The following RUNX2 variants were observed in gnomAD, a reference collection of about 807,000 sequenced individuals.
RUNX2 encodes the protein RUNX family transcription factor 2, also known as runt-related transcription factor 2.
Under a neutral mutation model 51.7 loss-of-function variants are expected in RUNX2, and 10 were observed. The ratio of observed to expected loss-of-function variants is 0.19; its 90% confidence interval spans 0.12 to 0.33. The LOEUF is 0.33. Among genes scored for constraint, RUNX2 ranks in the 10% least tolerant of loss-of-function variants. The probability of loss-of-function intolerance (pLI) is 1.00; values close to 1 mark genes in which losing one functional copy is unlikely to be tolerated. For synonymous variants in RUNX2, 276 were observed against 273.6 expected, an observed-to-expected ratio of 1.01 and a Z score of -0.09; for missense variants, 562 against 691.3, an observed-to-expected ratio of 0.81 and a Z score of 2.10.
chr6:45,370,082 G>C (rs1563041198), intron 2 of RUNX2, among the ~76,000 whole-genome samples: 1 of 152,124 alleles, frequency 6.6e-6, no homozygotes. Flanking sequence ...AAATGTTTTA[G>C]GTTTAAAAAG....
intron 2 of RUNX2, among the ~76,000 whole-genome samples, chr6:45,357,258 C>T (rs1439727977): frequency 2.6e-5 from 4 of 152,246 alleles, no homozygotes; most frequent in African/African-American, 9.6e-5. Flanking sequence ...CCGCCCACCT[C>T]GGCCTCCCAA....
At chr6:45,347,058 T>C (rs1444508503) in intron 2 of RUNX2, among the ~76,000 whole-genome samples, 1 of 152,130 alleles carries the variant, frequency 6.6e-6, no homozygotes, top group Non-Finnish European at 1.5e-5. Context: ...TTTATATAAT[T>C]AAAAATTGAA....
At position 45,531,751 on chromosome 6, in the gene RUNX2, A is replaced by T. The variant is rs554906299; in HGVS notation, c.1022-13466A>T. On this transcript the variant is annotated intron_variant, in intron 7 of 8. Coordinates refer to ENST00000647337, the MANE Select transcript of RUNX2 (RefSeq NM_001024630.4). ...CTGGCAACAGGGTGAGATTCTGTCT[A>T]AAAAAAAAACAAAACTCAAAATATA... Among the ~76,000 whole-genome samples, 8 of 122,098 alleles carry T rather than the reference A, an allele frequency of 6.6e-5. 1 individual carries two copies. In the South Asian group the frequency reaches 1.8e-3, roughly 27 times the overall value. The allele number at this position is 122,098 out of a possible 152,430, so 80.1% of individuals were successfully genotyped here.
intron 7 of RUNX2, among the ~76,000 whole-genome samples, chr6:45,522,754 C>A (rs1159602907): frequency 2.6e-5 from 4 of 152,186 alleles, no homozygotes; most frequent in Admixed American, 6.5e-5. Context: ...TGCATAATGT[C>A]GTGGGAAGTA....
intron 2 of RUNX2, among the ~76,000 whole-genome samples, chr6:45,339,226 T>C (rs185769408): frequency 1.5e-3 from 230 of 152,232 alleles, no homozygotes; most frequent in Middle Eastern, 3.4e-3. Context: ...AGACTTCTTA[T>C]GTTACAGTGG....
Position 45,550,407 on chromosome 6 carries a change from T to A in RUNX2, c.*3102T>A, listed in dbSNP as rs1802530972. ...GAAGTCCACACCATTAGGGACCATC[T>A]GTGATAAATTCAGAAGGGAGGAGAT... is the stretch of plus-strand genomic sequence containing the variant. On this transcript the variant is annotated 3_prime_UTR_variant, in exon 9 of 9. Coordinates refer to ENST00000647337, the MANE Select transcript of RUNX2 (RefSeq NM_001024630.4). 6.6e-6 allele frequency: 1 copy of A among 152,218 alleles called. No homozygotes were observed. Among genetic ancestry groups the A allele is most frequent in the Non-Finnish European group, 1.5e-5 (1 of 68,050 alleles). The allele number at this position is 152,218 out of a possible 1,614,324, so 9.4% of individuals were successfully genotyped here.
chr6:45,531,826 G>A (rs549810656), intron 7 of RUNX2, among the ~76,000 whole-genome samples: 15 of 152,054 alleles, frequency 9.9e-5, no homozygotes, highest in Non-Finnish European at 2.1e-4. Context: ...AATTTTGCAC[G>A]ATATATTCTA....
chr6:45,516,464 T>C (rs1801324347), intron 7 of RUNX2, among the ~76,000 whole-genome samples: 1 of 152,266 alleles, frequency 6.6e-6, no homozygotes, highest in Admixed American at 6.5e-5. Context: ...AGTCTAGTGA[T>C]GTTACAGTGC....
At chr6:45,341,818 A>T (rs1280740784) in intron 2 of RUNX2, among the ~76,000 whole-genome samples, 1 of 152,190 alleles carries the variant, frequency 6.6e-6, no homozygotes, top group East Asian at 1.9e-4. Flanking sequence ...AAAATGACAC[A>T]CTAAGATAAT....
At chr6:45,340,881 A>G (rs980415964) in intron 2 of RUNX2, among the ~76,000 whole-genome samples, 2 of 152,064 alleles carry the variant, frequency 1.3e-5, no homozygotes, top group South Asian at 2.1e-4. Context: ...CCTACTTCCT[A>G]TATTTATCTG....
At chr6:45,398,253 G>A (rs1464764429) in intron 2 of RUNX2, among the ~76,000 whole-genome samples, 5 of 152,112 alleles carry the variant, frequency 3.3e-5, no homozygotes, top group African/African-American at 9.7e-5. Flanking sequence ...TGTAGTGGGA[G>A]GTAGATGAGA....
At chr6:45,529,693 A>T (rs1330791993) in intron 7 of RUNX2, among the ~76,000 whole-genome samples, 1 of 152,192 alleles carries the variant, frequency 6.6e-6, no homozygotes, top group African/African-American at 2.4e-5. Context: ...TTTTCTCACT[A>T]GAGTCAGAAG....
chr6:45,439,536 T>C (rs937168120), intron 5 of RUNX2, among the ~76,000 whole-genome samples: 2 of 152,350 alleles, frequency 1.3e-5, no homozygotes, highest in South Asian at 4.1e-4. Context: ...ACGTCCATTT[T>C]AGTAATGCAC....
In RUNX2 at chr6:45,518,433, T is replaced by C. The variant is rs139783940; in HGVS notation, c.1021+6026T>C. ...GACATAGCAGATGGTGTTCTAATCT[T>C]ACCTGGACCTCCGTTTACTCTAATT... is the stretch of plus-strand genomic sequence containing the variant. On this transcript the variant is annotated intron_variant, in intron 7 of 8. Coordinates refer to ENST00000647337, the MANE Select transcript of RUNX2 (RefSeq NM_001024630.4). Among the ~76,000 whole-genome samples, 33 of 152,334 alleles carry C rather than the reference T, an allele frequency of 2.2e-4. No homozygotes were observed. The East Asian group carries it at 4.1e-3, about 19-fold the overall frequency.
chr6:45,499,537 C>T (rs1474518558), intron 6 of RUNX2, among the ~76,000 whole-genome samples: 1 of 152,272 alleles, frequency 6.6e-6, no homozygotes, highest in East Asian at 1.9e-4. Context: ...TTAGCAGTAT[C>T]CACAGATGAG....
At chr6:45,369,606 TC>T (rs1222240399) in intron 2 of RUNX2, among the ~76,000 whole-genome samples, 1 of 151,942 alleles carries the variant, frequency 6.6e-6, no homozygotes, top group Non-Finnish European at 1.5e-5. Flanking sequence ...CTTAATTCCC[TC>T]CTCTTATAAT....
intron 5 of RUNX2, among the ~76,000 whole-genome samples, chr6:45,465,762 A>G (rs948926617): frequency 1.3e-5 from 2 of 150,060 alleles, no homozygotes; most frequent in African/African-American, 4.9e-5. Flanking sequence ...CAGCCTCTTG[A>G]GTAGCTGGGA....
At chr6:45,404,315 A>T (rs1486898165) in intron 2 of RUNX2, among the ~76,000 whole-genome samples, 1 of 129,082 alleles carries the variant, frequency 7.7e-6, no homozygotes, top group Non-Finnish European at 1.7e-5. Flanking sequence ...AAAAGAAAAA[A>T]GAAAAAAAAG....
intron 2 of RUNX2, among the ~76,000 whole-genome samples, chr6:45,344,162 C>T (rs563787731): frequency 1.3e-5 from 2 of 152,220 alleles, no homozygotes; most frequent in East Asian, 3.9e-4. Flanking sequence ...GAAAGAACAT[C>T]CACTAAATAC....
Sources: gnomAD v4.1 joint callset for allele counts (sites outside exome capture counted in the v4.1 genomes callset) on GRCh38, gnomAD v4.1.1 for gene constraint, MANE v1.5 for transcripts, NCBI Gene and HGNC (gene_info 2026-07-23, HGNC 2026-07-21) for gene names.